PLEKHA7: variants seen among roughly 807,000 people sequenced by gnomAD.
PLEKHA7 encodes pleckstrin homology domain-containing family A member 7.
In PLEKHA7, 104 loss-of-function variants were observed where a neutral mutation model predicts 170.0. The ratio of observed to expected loss-of-function variants is 0.61; its 90% CI spans 0.52 to 0.72. PLEKHA7 has a LOEUF of 0.72. Among genes scored for constraint, PLEKHA7 ranks in the 30% least tolerant of loss-of-function variants. The pLI is 0.00. For synonymous variants in PLEKHA7, 648 were observed against 660.8 expected (o/e 0.98, Z 0.30); for missense variants, 1,615 against 1,671.7 (o/e 0.97, Z 0.59).
Position 16,855,990 on chromosome 11 carries a change from T to C in PLEKHA7, c.306-76A>G, listed in dbSNP as rs981045816. On this transcript the variant is annotated intron_variant, in intron 4 of 26. Transcript: ENST00000531066. ...GAAGTGCAGTAAGATCAGTTCCAGG[T>C]AGGAATCGGTTGTTGGGCCTTAGAA... 5.2e-5 allele frequency: 65 copies of C among 1,256,016 alleles called. 1 individual carries two copies. Among genetic ancestry groups the C allele is most frequent in the South Asian group, 7.7e-5 (6 of 77,554 alleles). 77.8% of individuals were successfully genotyped at this position (1,256,016 alleles called of 1,614,324 possible).
At chr11:16,972,660 A>G (rs1590754073) in intron 3 of PLEKHA7, among the ~76,000 whole-genome samples, 1 of 152,036 alleles carries the variant, frequency 6.6e-6, no homozygotes, top group Non-Finnish European at 1.5e-5. Flanking sequence ...AGCTCAAACA[A>G]TCCTCCTGCC....
In PLEKHA7 at chr11:16,791,842, T is replaced by C; in HGVS notation, c.2746-643A>G. Reference sequence around the variant, plus strand: ...CCTAGAATGTGATGAATGCAACATTTTCCTTGAAACTCCCTGTCCACAGTG... The same window carrying C: ...CCTAGAATGTGATGAATGCAACATTCTCCTTGAAACTCCCTGTCCACAGTG... On this transcript the variant is annotated intron_variant, in intron 19 of 26. Coordinates refer to ENST00000531066, the MANE Select transcript of PLEKHA7 (RefSeq NM_001329630.2). This position sits in a 1 kb window ranked among gnomAD's most constrained non-coding sequence, Gnocchi z 4.5. 1 of 374,324 alleles carries C rather than the reference T, an allele frequency of 2.7e-6. No individual in the cohort carries two copies. Among genetic ancestry groups the C allele is most frequent in the South Asian group, 2.0e-5 (1 of 51,000 alleles). 23.2% of individuals were successfully genotyped at this position (374,324 alleles called of 1,614,324 possible). A position where few individuals can be genotyped will look rare whatever the true frequency, so the allele number is the denominator to read the frequency against.
chr11:16,977,713 C>T (rs555410838), intron 3 of PLEKHA7, among the ~76,000 whole-genome samples: 3 of 152,178 alleles, frequency 2.0e-5, no homozygotes, highest in Admixed American at 6.5e-5. Flanking sequence ...GCAACTATGC[C>T]TAAGTGCCCA....
chr11:16,872,597 G>C (rs944157949), intron 3 of PLEKHA7, among the ~76,000 whole-genome samples: 5 of 151,976 alleles, frequency 3.3e-5, no homozygotes, highest in African/African-American at 1.2e-4. Context: ...ATGGCTTGCT[G>C]CAGGCTCAAA....
At chr11:16,873,277 T>C (rs1277780437) in intron 3 of PLEKHA7, among the ~76,000 whole-genome samples, 1 of 152,246 alleles carries the variant, frequency 6.6e-6, no homozygotes, top group Non-Finnish European at 1.5e-5. Flanking sequence ...AGTCTTTTTT[T>C]ACTCTGCCCT....
chr11:17,008,194 A>G (rs981639476), intron 3 of PLEKHA7, among the ~76,000 whole-genome samples: 1 of 152,136 alleles, frequency 6.6e-6, no homozygotes, highest in African/African-American at 2.4e-5. Flanking sequence ...CACAACCCCA[A>G]AGCTAAAACT....
intron 13 of PLEKHA7, among the ~76,000 whole-genome samples, chr11:16,805,174 A>G (rs1848871806): frequency 6.6e-6 from 1 of 152,196 alleles, no homozygotes; most frequent in African/African-American, 2.4e-5. Context: ...TTCCCCCAGC[A>G]AAACTCTTCC....
intron 3 of PLEKHA7, among the ~76,000 whole-genome samples, chr11:16,957,893 C>T (rs1378595310): frequency 1.3e-5 from 2 of 151,570 alleles, no homozygotes; most frequent in African/African-American, 4.8e-5. Flanking sequence ...TTAGTAGACA[C>T]GGAGATTCAC....
At chr11:17,003,383 C>T (rs531524149) in intron 3 of PLEKHA7, among the ~76,000 whole-genome samples, 1 of 152,324 alleles carries the variant, frequency 6.6e-6, no homozygotes, top group Non-Finnish European at 1.5e-5. Flanking sequence ...AGTTCAAGGG[C>T]ACCAGACTTC....
At position 16,882,847 on chromosome 11, in the gene PLEKHA7, T is replaced by C. The variant is rs1019517078; in HGVS notation, c.222-11665A>G. ...TACATATAAATATATATTTCATATG[T>C]ATATACACATATTCACACACACACA... is the stretch of plus-strand genomic sequence containing the variant. On this transcript the variant is annotated intron_variant, in intron 3 of 26. Coordinates refer to ENST00000531066, the MANE Select transcript of PLEKHA7 (RefSeq NM_001329630.2). Among the ~76,000 whole-genome samples, 5 of 138,598 alleles carry C rather than the reference T, an allele frequency of 3.6e-5. 1 individual carries two copies. The highest frequency in any genetic ancestry group is 5.4e-5 in the African/African-American group (2 of 37,368). 90.9% of individuals were successfully genotyped at this position (138,598 alleles called of 152,430 possible). A position where few individuals can be genotyped will look rare whatever the true frequency, so the allele number is the denominator to read the frequency against.
chr11:16,947,192 A>G (rs1031309015), intron 3 of PLEKHA7, among the ~76,000 whole-genome samples: 1 of 152,262 alleles, frequency 6.6e-6, no homozygotes, highest in Non-Finnish European at 1.5e-5. Flanking sequence ...AAGATGAAAG[A>G]TAAGTATTGG....
intron 3 of PLEKHA7, among the ~76,000 whole-genome samples, chr11:16,949,085 G>C (rs1861240353): frequency 6.6e-6 from 1 of 152,066 alleles, no homozygotes; most frequent in African/African-American, 2.4e-5. Context: ...TGCTCATGTT[G>C]ACTCCATCCC....
At chr11:16,806,245 G>C (rs1366202239) in intron 13 of PLEKHA7, among the ~76,000 whole-genome samples, 4 of 152,240 alleles carry the variant, frequency 2.6e-5, no homozygotes, top group Admixed American at 2.6e-4. Flanking sequence ...CTACAGCTCA[G>C]AGGACCGTTA....
chr11:16,921,710 G>A (rs1029579489), intron 3 of PLEKHA7, among the ~76,000 whole-genome samples: 2 of 152,190 alleles, frequency 1.3e-5, no homozygotes, highest in Non-Finnish European at 1.5e-5. Context: ...AGAATTCAAT[G>A]AGATAATATA....
chr11:16,806,244 A>C (rs542543532), intron 13 of PLEKHA7, among the ~76,000 whole-genome samples: 5 of 152,378 alleles, frequency 3.3e-5, no homozygotes, highest in African/African-American at 1.2e-4. Flanking sequence ...TCTACAGCTC[A>C]GAGGACCGTT....
At chr11:16,851,041 C>A in intron 8 of PLEKHA7, 150 bp downstream of exon 8, 1 of 548,286 alleles carries the variant, frequency 1.8e-6, no homozygotes, top group East Asian at 3.2e-5. Context: ...TGATATTATT[C>A]TTGTTTAAAT....
chr11:16,813,099 C>T lies in PLEKHA7; in HGVS notation c.2007+14G>A, dbSNP rs372212525. ...TGAGTATGCAAGGAAGGCAGGAACCCTGATGTCACTTACCTTTAGATCCAG... is the reference window on the plus strand; with the variant it reads ...TGAGTATGCAAGGAAGGCAGGAACCTTGATGTCACTTACCTTTAGATCCAG... On this transcript the variant is annotated intron_variant, in intron 13 of 26. Coordinates refer to ENST00000531066, the MANE Select transcript of PLEKHA7 (RefSeq NM_001329630.2). The T allele has an allele frequency of 2.8e-5, 45 of 1,611,498 alleles. No individual in the cohort carries two copies. The African/African-American group carries it at 5.3e-4, about 19-fold the overall frequency.
Position 16,821,255 on chromosome 11 carries a change from C to G in PLEKHA7, c.1344-3933G>C, listed in dbSNP as rs1432563147. ...AATCACACAGGACTTCCATTTTCTA[C>G]TCTGTTCCTTATTGTAGTGTTTGAG... On this transcript the variant is annotated intron_variant, in intron 10 of 26. Transcript: ENST00000531066. Among the ~76,000 whole-genome samples the G allele has an allele frequency of 2.6e-5, 4 of 152,218 alleles. No homozygotes were observed. In the East Asian group the frequency reaches 7.7e-4, roughly 29 times the overall value.
At position 16,826,337 on chromosome 11, in the gene PLEKHA7, C is replaced by A. The variant is rs1850640708; in HGVS notation, c.1126G>T (p.Asp376Tyr). 6.2e-7 allele frequency: 1 copy of A among 1,614,130 alleles called. No individual in the cohort carries two copies. The highest frequency in any genetic ancestry group is 1.3e-5 in the African/African-American group (1 of 74,946). The change falls in exon 10 of 27, where the codon GAT becomes TAT. Residue 376 changes from aspartate to tyrosine, a missense_variant. By Grantham distance (160) the Asp-to-Tyr change is radical. Coordinates refer to ENST00000531066, the MANE Select transcript of PLEKHA7 (RefSeq NM_001329630.2). ...TGGCCTCTTGGGCCAGTGGGTAAATCCATAAACAAGGCATCCTCCTCGGCT... is the reference window on the plus strand; with the variant it reads ...TGGCCTCTTGGGCCAGTGGGTAAATACATAAACAAGGCATCCTCCTCGGCT... ...SPAEEDALFM[D>Y]LPTGPRGQQA... is the part of the protein sequence containing the mutation.
Sources: allele counts gnomAD v4.1 joint callset (sites outside exome capture counted in the v4.1 genomes callset), GRCh38; gene constraint gnomAD v4.1.1; non-coding constraint Gnocchi (gnomAD v3.1); transcripts MANE v1.5; gene names NCBI Gene and HGNC (gene_info 2026-07-23, HGNC 2026-07-21).